MTUS2: variants seen among roughly 807,000 people sequenced by gnomAD.
The protein encoded by MTUS2 is microtubule-associated tumor suppressor candidate 2.
In MTUS2, 40 loss-of-function variants were observed where a neutral mutation model predicts 114.1. The ratio of observed to expected loss-of-function variants is 0.35; its 90% CI spans 0.27 to 0.46. The LOEUF is 0.46. MTUS2 is among the 20% of genes least tolerant of loss of function. The pLI is 1.00. For missense variants in MTUS2, 1,679 were observed against 1,705.4 expected (o/e 0.98, Z 0.27); for synonymous variants, 688 against 672.0 (o/e 1.02, Z -0.37).
chr13:29,153,094 G>C (rs914549373), intron 5 of MTUS2, among the ~76,000 whole-genome samples: 3 of 152,212 alleles, frequency 2.0e-5, no homozygotes, highest in Admixed American at 6.5e-5. Flanking sequence ...AGTTGTGCCA[G>C]ATGAACTCCA....
At chr13:29,029,301 G>C (rs1057369767) in intron 3 of MTUS2, among the ~76,000 whole-genome samples, 18 of 152,176 alleles carry the variant, frequency 1.2e-4, no homozygotes, top group African/African-American at 4.1e-4. Context: ...GTTTATAAGT[G>C]GCTTCTTACT....
chr13:28,849,013 T>C (rs183334123), intron 2 of MTUS2, among the ~76,000 whole-genome samples: 9 of 152,332 alleles, frequency 5.9e-5, no homozygotes, highest in African/African-American at 2.2e-4. Context: ...GGTCTTCTTA[T>C]AACAGCCTTG....
At chr13:29,267,973 T>C (rs1376880782) in intron 5 of MTUS2, among the ~76,000 whole-genome samples, 3 of 152,140 alleles carry the variant, frequency 2.0e-5, no homozygotes, top group East Asian at 3.9e-4. Flanking sequence ...TTTAGAATCC[T>C]AAGGAAGGTA....
At chr13:28,909,593 G>A (rs1880274740) in intron 2 of MTUS2, among the ~76,000 whole-genome samples, 1 of 152,148 alleles carries the variant, frequency 6.6e-6, no homozygotes, top group South Asian at 2.1e-4. Context: ...ACAAAAACTG[G>A]AAGCATTCCC....
intron 3 of MTUS2, among the ~76,000 whole-genome samples, chr13:29,027,995 G>A (rs928590636): frequency 9.2e-5 from 14 of 152,160 alleles, no homozygotes; most frequent in African/African-American, 2.9e-4. Flanking sequence ...GTCATCCTTC[G>A]AGACCTCAGA....
At chr13:29,173,071 GCTGGTTGTAAAATAATTGCAC>G (rs1462054469) in intron 5 of MTUS2, among the ~76,000 whole-genome samples, 4 of 151,988 alleles carry the variant, frequency 2.6e-5, no homozygotes. Flanking sequence ...ACTTGTTTGT[GCTGGTTGTAAAATAATTGCAC>G]CTGCTTTTTT....
At chr13:29,384,353 C>A (rs1465622681) in intron 8 of MTUS2, among the ~76,000 whole-genome samples, 1 of 152,172 alleles carries the variant, frequency 6.6e-6, no homozygotes, top group Non-Finnish European at 1.5e-5. Flanking sequence ...ATTAAAAATA[C>A]CAGCTTTTTG....
chr13:28,897,079 G>A (rs1245041216), intron 2 of MTUS2, among the ~76,000 whole-genome samples: 3 of 152,190 alleles, frequency 2.0e-5, no homozygotes, highest in South Asian at 2.1e-4. Flanking sequence ...AAGAGCTTCT[G>A]CACAGCAAAA....
At chr13:29,397,257 T>A (rs1404840504) in intron 8 of MTUS2, among the ~76,000 whole-genome samples, 2 of 152,248 alleles carry the variant, frequency 1.3e-5, no homozygotes, top group Middle Eastern at 3.4e-3. Context: ...CTACAACAGA[T>A]CCTCTAAGCT....
At chr13:28,822,034 A>G (rs571057590) in intron 1 of MTUS2, among the ~76,000 whole-genome samples, 6 of 152,352 alleles carry the variant, frequency 3.9e-5, no homozygotes, top group African/African-American at 1.4e-4. Flanking sequence ...CAGGATATTC[A>G]TTTATGTTTA....
chr13:29,134,537 G>A (rs1181409171), intron 5 of MTUS2, among the ~76,000 whole-genome samples: 1 of 152,010 alleles, frequency 6.6e-6, no homozygotes, highest in Middle Eastern at 3.2e-3. Flanking sequence ...TATATTTGAT[G>A]GTCTGTTATT....
chr13:29,050,694 C>G (rs1049857265), intron 4 of MTUS2, among the ~76,000 whole-genome samples: 2 of 152,204 alleles, frequency 1.3e-5, no homozygotes, highest in Non-Finnish European at 2.9e-5. Flanking sequence ...CAGAGAAGGA[C>G]AGGGAAGCTC....
intron 8 of MTUS2, among the ~76,000 whole-genome samples, chr13:29,391,983 G>A (rs574079637): frequency 6.6e-6 from 1 of 151,846 alleles, no homozygotes; most frequent in Non-Finnish European, 1.5e-5. Context: ...AAAAAAATTA[G>A]CCAGGTGTGG....
At chr13:28,955,321 T>C (rs888953508) in intron 2 of MTUS2, among the ~76,000 whole-genome samples, 1 of 152,192 alleles carries the variant, frequency 6.6e-6, no homozygotes, top group Non-Finnish European at 1.5e-5. Context: ...AAATACAAAC[T>C]AAAAGCAGAT....
intron 2 of MTUS2, among the ~76,000 whole-genome samples, chr13:28,878,515 T>C (rs770653069): frequency 1.7e-4 from 26 of 151,644 alleles, no homozygotes; most frequent in Non-Finnish European, 2.8e-4. Context: ...CCCTAGTATG[T>C]GTTGTTCTTC....
At chr13:29,228,120 A>T (rs1896183011) in intron 5 of MTUS2, among the ~76,000 whole-genome samples, 1 of 152,210 alleles carries the variant, frequency 6.6e-6, no homozygotes, top group Non-Finnish European at 1.5e-5. Flanking sequence ...TATATGCATA[A>T]TGATATTTAT....
chr13:29,090,351 G>T lies in MTUS2; in HGVS notation c.2447-10422G>T, dbSNP rs1029996210. Among the ~76,000 whole-genome samples, 7 of 152,258 alleles carry T rather than the reference G, an allele frequency of 4.6e-5. No individual in the cohort carries two copies. In the South Asian group the frequency reaches 8.3e-4, roughly 18 times the overall value. On this transcript the variant is annotated intron_variant, in intron 4 of 15. Coordinates refer to ENST00000612955, the MANE Select transcript of MTUS2 (RefSeq NM_001033602.4). Reference sequence around the variant, plus strand: ...CTCTGGAAAACAACACTCTGATGGGGGCTGCCAGCAAAAGTGCTCTGGTAG... The same window carrying T: ...CTCTGGAAAACAACACTCTGATGGGTGCTGCCAGCAAAAGTGCTCTGGTAG...
chr13:29,423,296 C>G (rs1047590517), intron 8 of MTUS2, among the ~76,000 whole-genome samples: 10 of 152,300 alleles, frequency 6.6e-5, no homozygotes, highest in African/African-American at 2.4e-4. Flanking sequence ...AAATCTCGCT[C>G]CCTTCAAGTG....
chr13:29,024,311 C>G (rs945970162), intron 2 of MTUS2, 146 bp from the exon 3 acceptor site: 7 of 207,762 alleles, frequency 3.4e-5, no homozygotes, highest in African/African-American at 1.6e-4. Flanking sequence ...CCAGGAGGAG[C>G]CCTGATCAGA....
Sources: allele counts gnomAD v4.1 joint callset (sites outside exome capture counted in the v4.1 genomes callset), GRCh38; gene constraint gnomAD v4.1.1; transcripts MANE v1.5; gene names NCBI Gene and HGNC (gene_info 2026-07-23, HGNC 2026-07-21).